DMAC2L: variants seen among roughly 807,000 people sequenced by gnomAD.
DMAC2L encodes the protein distal membrane arm assembly component 2 like, also known as ATP synthase subunit s, mitochondrial.
DMAC2L carries 21 observed loss-of-function variants against 22.5 expected under a neutral mutation model. That is an observed-to-expected ratio of 0.93 (90% CI 0.66 to 1.34). The LOEUF (loss-of-function observed/expected upper bound fraction) is 1.34, where lower values mean the gene tolerates loss of function less well. DMAC2L is among the 40% of genes most tolerant of loss of function. The probability of loss-of-function intolerance (pLI) is 0.00; values close to 1 mark genes in which losing one functional copy is unlikely to be tolerated. For synonymous variants in DMAC2L, 86 were observed against 89.5 expected (o/e 0.96, Z 0.22); for missense variants, 239 against 246.5 (o/e 0.97, Z 0.20).
intron 5 of DMAC2L, among the ~76,000 whole-genome samples, 169 bp from the exon 6 acceptor site, chr14:50,325,440 A>G (rs1176733716): frequency 1.3e-5 from 2 of 152,238 alleles, no homozygotes; most frequent in Admixed American, 6.5e-5. Flanking sequence ...AGTCTGTGTT[A>G]CTTCCTGGCA....
intron 2 of DMAC2L, 69 bp from the exon 3 acceptor site, chr14:50,321,414 C>T: frequency 6.3e-7 from 1 of 1,585,266 alleles, no homozygotes; most frequent in South Asian, 1.2e-5. Flanking sequence ...AGCATTGACT[C>T]TGAAGTAAGT....
intron 1 of DMAC2L, chr14:50,313,083 A>C: frequency 6.3e-7 from 1 of 1,577,928 alleles, no homozygotes; most frequent in South Asian, 1.1e-5. Context: ...GATTCCCTTT[A>C]TGTAAAAATG....
Position 50,314,606 on chromosome 14 carries a change from G to C in DMAC2L, c.-26G>C, listed in dbSNP as rs1434397282. The C allele has an allele frequency of 2.2e-6, 1 of 455,226 alleles. No individual in the cohort carries two copies. The highest frequency in any genetic ancestry group is 4.4e-6 in the Non-Finnish European group (1 of 226,792). The allele number at this position is 455,226 out of a possible 1,614,324, so 28.2% of individuals were successfully genotyped here. On this transcript the variant is annotated 5_prime_UTR_variant, in exon 2 of 6. Coordinates refer to ENST00000557421, the MANE Select transcript of DMAC2L (RefSeq NM_001382507.1). ...GTTTCTCTAGGATAAGTGCCCAAGAGTACAATTGCTGGGTCATATGGTAAG... is the reference window on the plus strand; with the variant it reads ...GTTTCTCTAGGATAAGTGCCCAAGACTACAATTGCTGGGTCATATGGTAAG...
intron 2 of DMAC2L, among the ~76,000 whole-genome samples, chr14:50,320,070 TG>T (rs2032138084): frequency 6.6e-6 from 1 of 152,168 alleles, no homozygotes; most frequent in Admixed American, 6.6e-5. Context: ...ACCGTAACAA[TG>T]CCAATGCTTT....
chr14:50,312,273 C>A (rs2031283121), upstream of DMAC2L: 1 of 1,436,330 alleles, frequency 7.0e-7, no homozygotes. Context: ...CGCCTTCGCC[C>A]CATGTGGGAG....
chr14:50,326,897 C>A lies in DMAC2L; in HGVS notation c.*1174C>A. The A allele has an allele frequency of 3.6e-6, 1 of 281,178 alleles. No homozygotes were observed. Among genetic ancestry groups the A allele is most frequent in the Non-Finnish European group, 5.4e-6 (1 of 186,550 alleles). 17.4% of individuals were successfully genotyped at this position (281,178 alleles called of 1,614,324 possible). ...CTCTAAAAAAATTTTAAAAATTAGG[C>A]AGGCATGGTGGTGCATACCTGTAAT... On this transcript the variant is annotated 3_prime_UTR_variant, in exon 6 of 6. Transcript: ENST00000557421.
chr14:50,324,046 A>G lies in DMAC2L; in HGVS notation c.418A>G (p.Ile140Val). ...TCAACTTGAAAATTTACAAAAAACC[A>G]TATTGGAAATGGAAATAATATCCTG... Reference protein sequence around the residue: ...LSQLENLQKTILEMEIISCGN... With the variant: ...LSQLENLQKTVLEMEIISCGN... The change falls in exon 5 of 6, where the codon ATA (isoleucine) becomes GTA (valine). Residue 140 changes from isoleucine to valine, a missense_variant. By Grantham distance (29) the Ile-to-Val change is conservative (BLOSUM62 3). Coordinates refer to ENST00000557421, the MANE Select transcript of DMAC2L (RefSeq NM_001382507.1). 5 of 1,614,114 alleles carry G rather than the reference A, an allele frequency of 3.1e-6. No homozygotes were observed. Among genetic ancestry groups the G allele is most frequent in the Non-Finnish European group, 4.2e-6 (5 of 1,180,000 alleles).
rs1470566551 is a variant in DMAC2L at position 50,314,625 on chromosome 14, T to C, written c.-7T>C. Reference sequence around the variant, plus strand: ...CCAAGAGTACAATTGCTGGGTCATATGGTAAGTGCATGTTTATTTTTTATT... The same window carrying C: ...CCAAGAGTACAATTGCTGGGTCATACGGTAAGTGCATGTTTATTTTTTATT... On this transcript the variant is annotated splice_region_variant and 5_prime_UTR_variant, in exon 2 of 6. It removes an upstream start codon present in the reference 5' UTR. Transcript: ENST00000557421. The C allele has an allele frequency of 2.2e-6, 1 of 454,766 alleles. No individual in the cohort carries two copies. Among genetic ancestry groups the C allele is most frequent in the African/African-American group, 2.0e-5 (1 of 50,034 alleles). The allele number at this position is 454,766 out of a possible 1,614,324, so 28.2% of individuals were successfully genotyped here.
intron 2 of DMAC2L, among the ~76,000 whole-genome samples, chr14:50,320,435 C>T (rs1278314752): frequency 6.6e-6 from 1 of 152,112 alleles, no homozygotes; most frequent in African/African-American, 2.4e-5. Flanking sequence ...AGTCCAAATT[C>T]CCTGGCTGAG....
chr14:50,322,393 C>T, intron 3 of DMAC2L, 118 bp from the exon 4 acceptor site: 2 of 1,074,784 alleles, frequency 1.9e-6, no homozygotes, highest in Admixed American at 3.3e-5. Context: ...AATTTATCTT[C>T]CTCGTCAGTC....
intron 1 of DMAC2L, chr14:50,312,695 G>C (rs1414472412): frequency 2.9e-6 from 1 of 349,812 alleles, no homozygotes; most frequent in Non-Finnish European, 5.2e-6. Context: ...GCGGTAGACG[G>C]AGGGCCTGGG....
At chr14:50,325,513 T>C in intron 5 of DMAC2L, 96 bp from the exon 6 acceptor site, 1 of 1,397,562 alleles carries the variant, frequency 7.2e-7, no homozygotes, top group South Asian at 1.3e-5. Flanking sequence ...TGATATAGAT[T>C]CATTTTCTAC....
At chr14:50,322,013 A>C (rs1257771643) in intron 3 of DMAC2L, among the ~76,000 whole-genome samples, 1 of 152,244 alleles carries the variant, frequency 6.6e-6, no homozygotes, top group Admixed American at 6.5e-5. Context: ...TTGAAACTTG[A>C]AACTAACCTT....
intron 2 of DMAC2L, among the ~76,000 whole-genome samples, chr14:50,315,473 T>G (rs2031700472): frequency 6.7e-6 from 1 of 150,032 alleles, no homozygotes. Context: ...ACCATCTTGG[T>G]CAACATGGTG....
intron 2 of DMAC2L, among the ~76,000 whole-genome samples, chr14:50,317,192 A>G (rs776246018): frequency 2.6e-5 from 4 of 151,918 alleles, no homozygotes; most frequent in Non-Finnish European, 5.9e-5. Flanking sequence ...GTGTGTGGCT[A>G]TTATAAAAGG....
upstream of DMAC2L, chr14:50,312,222 T>C (rs1261669449): frequency 2.5e-6 from 4 of 1,577,190 alleles, no homozygotes; most frequent in East Asian, 6.9e-5. Context: ...GGACCCGCGC[T>C]CTTTAGCCCC....
Position 50,313,606 on chromosome 14 carries a change from C to T in DMAC2L, c.-41-985C>T, listed in dbSNP as rs749545877. 3.2e-4 allele frequency among the ~76,000 whole-genome samples: 48 copies of T among 152,292 alleles called. No individual in the cohort carries two copies. The Middle Eastern group carries it at 0.014, about 43-fold the overall frequency. ...AACTTTGTGAGGTAATTGTGGATTTCCATGCAATTGTAAGAATAGAGATTC... is the reference window on the plus strand; with the variant it reads ...AACTTTGTGAGGTAATTGTGGATTTTCATGCAATTGTAAGAATAGAGATTC... On this transcript the variant is annotated intron_variant, in intron 1 of 5. Transcript: ENST00000557421.
At chr14:50,314,969 G>T (rs1172320058) in intron 2 of DMAC2L, among the ~76,000 whole-genome samples, 1 of 147,506 alleles carries the variant, frequency 6.8e-6, no homozygotes, top group African/African-American at 2.5e-5. Flanking sequence ...TTATTTATTT[G>T]CTTATTTATT....
chr14:50,326,038 A>G lies in DMAC2L; in HGVS notation c.*315A>G, dbSNP rs1316038736. 1 of 498,216 alleles carries G rather than the reference A, an allele frequency of 2.0e-6. No individual in the cohort carries two copies. Among genetic ancestry groups the G allele is most frequent in the Non-Finnish European group, 2.6e-6 (1 of 379,762 alleles). 30.9% of individuals were successfully genotyped at this position (498,216 alleles called of 1,614,324 possible). On this transcript the variant is annotated 3_prime_UTR_variant, in exon 6 of 6. Coordinates refer to ENST00000557421, the MANE Select transcript of DMAC2L (RefSeq NM_001382507.1). ...TGAGGTCAGGAGTTCAAGACCAACC[A>G]TGGCCAACATGGTGAAACCCCATCT...
Sources: allele counts gnomAD v4.1 joint callset (sites outside exome capture counted in the v4.1 genomes callset), GRCh38; gene constraint gnomAD v4.1.1; transcripts MANE v1.5; gene names NCBI Gene and HGNC (gene_info 2026-07-23, HGNC 2026-07-21).